Variants in OR10R2 observed in about 807,000 individuals in gnomAD.
The protein encoded by OR10R2 is olfactory receptor family 10 subfamily R member 2.
OR10R2 carries 1 observed loss-of-function variant against 2.4 expected under a neutral mutation model. The observed-to-expected ratio is 0.41, with a 90% confidence interval of 0.15 to 1.95. The LOEUF (loss-of-function observed/expected upper bound fraction) is 1.95. Among genes scored for constraint, OR10R2 ranks in the 30% most tolerant of loss-of-function variants. The pLI is 0.30. For synonymous variants in OR10R2, 166 were observed against 144.8 expected, an observed-to-expected ratio of 1.15 and a Z score of -1.05; for missense variants, 419 against 373.0, an observed-to-expected ratio of 1.12 and a Z score of -1.01.
In OR10R2 at chr1:158,476,547, C is replaced by CAAAA. The variant is rs11291030; in HGVS notation, c.28-3377_28-3374dup. On this transcript the variant is annotated intron_variant, in intron 1 of 1. Transcript: ENST00000641067. ...TGGGCGACAGAGTGAGACTCCATCT[C>CAAAA]AAAAAAAAAAAAAAAAAGGAAAAAA... Among the ~76,000 whole-genome samples, 55 of 110,020 alleles carry CAAAA rather than the reference C, an allele frequency of 5.0e-4. 1 individual carries two copies. Among genetic ancestry groups the CAAAA allele is most frequent in the African/African-American group, 1.6e-3 (48 of 29,250 alleles). The allele number at this position is 110,020 out of a possible 152,430, so 72.2% of individuals were successfully genotyped here.
At chr1:158,473,821 CCCTCTT>C (rs1656212276) in intron 1 of OR10R2, among the ~76,000 whole-genome samples, 1 of 135,996 alleles carries the variant, frequency 7.4e-6, no homozygotes, top group African/African-American at 3.4e-5. Flanking sequence ...CTCCCTCCTT[CCCTCTT>C]TCCCTCTCTG....
chr1:158,478,692 G>A (rs1656320125), intron 1 of OR10R2, among the ~76,000 whole-genome samples: 1 of 152,036 alleles, frequency 6.6e-6, no homozygotes. Flanking sequence ...AAGGCATGCT[G>A]GACTCCATGT....
chr1:158,476,035 T>C (rs1656261511), intron 1 of OR10R2, among the ~76,000 whole-genome samples: 1 of 152,128 alleles, frequency 6.6e-6, no homozygotes, highest in African/African-American at 2.4e-5. Context: ...GATAACTGCT[T>C]TAAATTTAGC....
chr1:158,479,173 C>T (rs967134764), intron 1 of OR10R2, among the ~76,000 whole-genome samples: 9 of 152,046 alleles, frequency 5.9e-5, no homozygotes, highest in Non-Finnish European at 1.2e-4. Context: ...CTCCAAAAGC[C>T]TCTATTTAGT....
At chr1:158,475,174 T>C (rs1571292538) in intron 1 of OR10R2, among the ~76,000 whole-genome samples, 1 of 152,156 alleles carries the variant, frequency 6.6e-6, no homozygotes, top group East Asian at 1.9e-4. Flanking sequence ...TTCCATACTG[T>C]CATTCAATAC....
intron 1 of OR10R2, 161 bp from the exon 2 acceptor site, chr1:158,479,777 G>C (rs12082187): frequency 1.0e-5 from 7 of 686,816 alleles, no homozygotes; most frequent in Non-Finnish European, 1.8e-5. Context: ...TGGAAGAAGA[G>C]GACCATGAAC....
intron 1 of OR10R2, among the ~76,000 whole-genome samples, chr1:158,475,145 C>T (rs574387666): frequency 1.3e-5 from 2 of 152,094 alleles, no homozygotes; most frequent in African/African-American, 2.4e-5. Context: ...TACCCAAAGC[C>T]AAGTTACCTT....
rs200297743 is a variant in OR10R2, at chr1:158,480,166, A to G, written c.256A>G (p.Ile86Val). 24 of 1,614,080 alleles carry G rather than the reference A, an allele frequency of 1.5e-5. No homozygotes were observed. The African/African-American group carries it at 1.7e-4, about 12-fold the overall frequency. The stretch of plus-strand genomic sequence containing the variant: ...ATCTGAGACCTTCTACACCTTTGTC[A>G]TTCTACCCAAGATGCTCATCAATCT... The change falls in exon 2 of 2, where the codon ATT becomes GTT. Residue 86 changes from isoleucine to valine, a missense_variant. Transcript: ENST00000641067.
chr1:158,479,872 G>A, intron 1 of OR10R2, 66 bp from the exon 2 acceptor site: 1 of 1,555,420 alleles, frequency 6.4e-7, no homozygotes, highest in Non-Finnish European at 8.8e-7. Context: ...AGGAACAAAG[G>A]AGTGCATGCC....
exon 2 of OR10R2, chr1:158,480,786 A>C (rs755182924): frequency 6.2e-7 from 1 of 1,613,796 alleles, no homozygotes; most frequent in South Asian, 1.1e-5. Flanking sequence ...TTGTCACTCC[A>C]TTACTAAACC....
chr1:158,478,062 G>T (rs11264977), intron 1 of OR10R2, among the ~76,000 whole-genome samples: 84,691 of 151,926 alleles, frequency 0.56, 23,679 homozygotes, highest in Middle Eastern at 0.64. Flanking sequence ...GAACAAGGAC[G>T]CCCTATTCAA....
intron 1 of OR10R2, 123 bp from the exon 2 acceptor site, chr1:158,479,815 C>T (rs1325374604): frequency 1.7e-5 from 17 of 981,706 alleles, no homozygotes; most frequent in Admixed American, 1.3e-4. Context: ...AGTTAGGAAC[C>T]GGAAAAGGTG....
At chr1:158,479,616 T>G (rs530489984) in intron 1 of OR10R2, among the ~76,000 whole-genome samples, 1 of 152,250 alleles carries the variant, frequency 6.6e-6, no homozygotes, top group South Asian at 2.1e-4. Context: ...CTCAAGGAAT[T>G]AAGGCTGCAG....
At chr1:158,478,407 G>A (rs1207091518) in intron 1 of OR10R2, among the ~76,000 whole-genome samples, 1 of 152,078 alleles carries the variant, frequency 6.6e-6, no homozygotes, top group East Asian at 1.9e-4. Flanking sequence ...AGGTTTATGT[G>A]CAGTAATTAG....
rs758579504 is a variant in OR10R2 at position 158,480,311 on chromosome 1, C to A, written c.401C>A (p.Ala134Asp). Residue 134 changes from alanine (A) to aspartate (D), a missense_variant, in exon 2 of 2, where the codon GCC becomes GAC. Physicochemically the swap from Ala to Asp is moderately radical, Grantham distance 126. Coordinates refer to ENST00000641067, the Ensembl canonical transcript of OR10R2. The stretch of plus-strand genomic sequence containing the variant: ...GTGATGGGTTATGATCGCTATGCTG[C>A]CATTTGTCACCCTCTGCATTACCCC... The A allele has an allele frequency of 6.8e-6, 11 of 1,614,128 alleles. No homozygotes were observed. In the South Asian group the frequency reaches 1.2e-4, roughly 18 times the overall value.
chr1:158,480,862 G>A (rs901119699), exon 2 of OR10R2: 2 of 1,509,292 alleles, frequency 1.3e-6, no homozygotes, highest in Admixed American at 4.0e-5. Context: ...GGGCAAGAAA[G>A]GTTCTCTAAA....
chr1:158,480,505 A>G lies in OR10R2; in HGVS notation c.595A>G (p.Thr199Ala), dbSNP rs1408692065. Residue 199 changes from threonine to alanine, a missense_variant, in exon 2 of 2, where the codon ACC becomes GCC. Transcript: ENST00000641067. ...CTCAGCAGTCATTCTTCTGGCTTGT[A>G]CCAACACAGATGTTAACGAATTTGT... 4 of 1,613,294 alleles carry G rather than the reference A, an allele frequency of 2.5e-6. No individual in the cohort carries two copies. The Admixed American group carries it at 5.0e-5, about 20-fold the overall frequency.
chr1:158,472,265 A>T lies in OR10R2; in HGVS notation c.-61A>T, dbSNP rs1571290419. 13 of 398,938 alleles carry T rather than the reference A, an allele frequency of 3.3e-5. No homozygotes were observed. In the East Asian group the frequency reaches 4.6e-4, roughly 14 times the overall value. 24.7% of individuals were successfully genotyped at this position (398,938 alleles called of 1,614,324 possible). On this transcript the variant is annotated 5_prime_UTR_variant, in exon 1 of 2. Transcript: ENST00000641067. Reference sequence around the variant, plus strand: ...ATTGATGCTAATGTGAACCAGAAAAAAAGCTCCTTAATTATACTCATTAGG... The same window carrying T: ...ATTGATGCTAATGTGAACCAGAAAATAAGCTCCTTAATTATACTCATTAGG...
chr1:158,475,264 T>A (rs1291539299), intron 1 of OR10R2, among the ~76,000 whole-genome samples: 1 of 152,096 alleles, frequency 6.6e-6, no homozygotes, highest in Non-Finnish European at 1.5e-5. Flanking sequence ...AAAATACATT[T>A]TTACATATAA....
Sources: gnomAD v4.1 joint callset for allele counts (sites outside exome capture counted in the v4.1 genomes callset) on GRCh38, gnomAD v4.1.1 for gene constraint, MANE v1.5 for transcripts, NCBI Gene and HGNC (gene_info 2026-07-23, HGNC 2026-07-21) for gene names.